Variants in CDHR2 observed in about 807,000 individuals in gnomAD.
CDHR2 encodes the protein cadherin-related family member 2.
In CDHR2, 104 loss-of-function variants were observed where a neutral mutation model predicts 138.6. The observed-to-expected ratio is 0.75, with a 90% CI of 0.64 to 0.88. CDHR2 has a LOEUF of 0.88. CDHR2 is among the 40% of genes least tolerant of loss of function. CDHR2 has a pLI of 0.00. For missense variants in CDHR2, 1,624 were observed against 1,727.6 expected (o/e 0.94, Z 1.06); for synonymous variants, 755 against 742.8 (o/e 1.02, Z -0.27).
chr5:176,574,209 G>A (rs752419800), intron 7 of CDHR2, 37 bp downstream of exon 7: 24 of 1,468,022 alleles, frequency 1.6e-5, no homozygotes, highest in Middle Eastern at 1.7e-4. Flanking sequence ...CTTTGTGACC[G>A]CCAGGGGGCA....
At chr5:176,552,672 C>T (rs982937854) in intron 1 of CDHR2, among the ~76,000 whole-genome samples, 4 of 152,224 alleles carry the variant, frequency 2.6e-5, no homozygotes, top group African/African-American at 4.8e-5. Context: ...ATGCTCTGGA[C>T]TGTAGAACGC....
chr5:176,589,523 C>T lies in CDHR2; in HGVS notation c.3118-5C>T. ...TGCCTCATCTCCTGCACACCCCCTT[C>T]CCAGCTCTTCACCGTGGACCAGAGT... On this transcript the variant is annotated splice_region_variant and splice_polypyrimidine_tract_variant and intron_variant, in intron 23 of 31. Coordinates refer to ENST00000261944, the MANE Select transcript of CDHR2 (RefSeq NM_017675.6). 1 of 1,614,076 alleles carries T rather than the reference C, an allele frequency of 6.2e-7. No individual in the cohort carries two copies. Among genetic ancestry groups the T allele is most frequent in the Admixed American group, 1.7e-5 (1 of 60,016 alleles).
At position 176,575,561 on chromosome 5, in the gene CDHR2, C is replaced by G. The variant is rs1210150905; in HGVS notation, c.824C>G (p.Pro275Arg). ...AVDGDKGIND[P>R]VIYSISYSTR... ...GATGGCGACAAAGGCATCAATGACCCTGTGATCTACAGCATCTCCTGTGAG... is the reference window on the plus strand; with the variant it reads ...GATGGCGACAAAGGCATCAATGACCGTGTGATCTACAGCATCTCCTGTGAG... Residue 275 changes from proline (P) to arginine (R), a missense_variant, in exon 10 of 32, where the codon CCT becomes CGT. Physicochemically the swap from Pro to Arg is moderately radical, Grantham distance 103. This residue lies in a region of CDHR2 where 1,061 missense variants were observed against 1,136.6 expected (regional missense o/e 0.93). Coordinates refer to ENST00000261944, the MANE Select transcript of CDHR2 (RefSeq NM_017675.6). The G allele has an allele frequency of 1.2e-6, 2 of 1,614,032 alleles. No individual in the cohort carries two copies. The highest frequency in any genetic ancestry group is 1.6e-4 in the Middle Eastern group (1 of 6,084).
At chr5:176,558,360 C>CAT in intron 1 of CDHR2, among the ~76,000 whole-genome samples, 1 of 149,766 alleles carries the variant, frequency 6.7e-6, no homozygotes, top group African/African-American at 2.5e-5. Context: ...GGACTACAGG[C>CAT]GCCCGCCACC....
chr5:176,584,186 G>A lies in CDHR2; in HGVS notation c.2059-4G>A, dbSNP rs2113315393. 6.2e-7 allele frequency: 1 copy of A among 1,613,712 alleles called. No individual in the cohort carries two copies. Among genetic ancestry groups the A allele is most frequent in the Non-Finnish European group, 8.5e-7 (1 of 1,179,612 alleles). ...CGGGGACTCAGACCTGTCTCTGACT[G>A]CAGGACATCAATGATAACCTGCCCA... is the stretch of plus-strand genomic sequence containing the variant. On this transcript the variant is annotated splice_region_variant and splice_polypyrimidine_tract_variant and intron_variant, in intron 17 of 31. Coordinates refer to ENST00000261944, the MANE Select transcript of CDHR2 (RefSeq NM_017675.6).
intron 1 of CDHR2, among the ~76,000 whole-genome samples, chr5:176,556,091 T>G (rs1180117819): frequency 2.6e-5 from 4 of 152,226 alleles, no homozygotes; most frequent in Non-Finnish European, 5.9e-5. Flanking sequence ...TTCTTTGAAC[T>G]CCTGGAATAC....
chr5:176,569,290 T>TG (rs1422349802), intron 5 of CDHR2, among the ~76,000 whole-genome samples: 1 of 150,428 alleles, frequency 6.6e-6, no homozygotes, highest in African/African-American at 2.4e-5. Context: ...ATTAAATGTT[T>TG]TTTTTTTTTT....
intron 1 of CDHR2, among the ~76,000 whole-genome samples, chr5:176,563,028 T>C (rs2113274098): frequency 6.6e-6 from 1 of 152,296 alleles, no homozygotes; most frequent in Non-Finnish European, 1.5e-5. Flanking sequence ...AGAAAGTTAC[T>C]GAAATCAGTC....
upstream of CDHR2, among the ~76,000 whole-genome samples, chr5:176,548,845 G>A (rs528865699): frequency 6.6e-6 from 1 of 152,304 alleles, no homozygotes; most frequent in Admixed American, 6.5e-5. Context: ...GGTGAGATCA[G>A]TGTCAACAGG....
In CDHR2 at chr5:176,591,340, G is replaced by A. The variant is rs754018826; in HGVS notation, c.3653+17G>A. ...CACTGAGCGGTGAGCAGGGGTCAAA[G>A]GGTAGGTAAGAGGCCTGGTGGGGTG... On this transcript the variant is annotated intron_variant, in intron 29 of 31. Coordinates refer to ENST00000261944, the MANE Select transcript of CDHR2 (RefSeq NM_017675.6). 1 of 1,611,910 alleles carries A rather than the reference G, an allele frequency of 6.2e-7. No homozygotes were observed. The highest frequency in any genetic ancestry group is 1.1e-5 in the South Asian group (1 of 91,040).
chr5:176,573,067 G>T (rs1378604207), intron 6 of CDHR2, among the ~76,000 whole-genome samples: 1 of 152,186 alleles, frequency 6.6e-6, no homozygotes, highest in African/African-American at 2.4e-5. Flanking sequence ...AGAGAGACCT[G>T]AATGGCAAGA....
chr5:176,549,236 A>G (rs1757652320), upstream of CDHR2, among the ~76,000 whole-genome samples: 1 of 151,956 alleles, frequency 6.6e-6, no homozygotes, highest in Non-Finnish European at 1.5e-5. Flanking sequence ...ACTCTGCCTC[A>G]TTAGGAGTCG....
intron 7 of CDHR2, 80 bp downstream of exon 7, chr5:176,574,252 G>C: frequency 1.9e-6 from 2 of 1,062,686 alleles, no homozygotes; most frequent in Non-Finnish European, 2.9e-6. Context: ...GGGCCTGAAC[G>C]TTGGGGTGGG....
intron 21 of CDHR2, among the ~76,000 whole-genome samples, chr5:176,588,829 G>A (rs187442586): frequency 1.8e-3 from 268 of 152,196 alleles, no homozygotes; most frequent in Middle Eastern, 3.4e-3. Context: ...TGGGGAACAG[G>A]GGCAGGTTCT....
intron 5 of CDHR2, among the ~76,000 whole-genome samples, chr5:176,569,503 T>C (rs1340088201): frequency 6.6e-6 from 1 of 152,018 alleles, no homozygotes; most frequent in East Asian, 1.9e-4. Context: ...AGGATGGTCT[T>C]GATCTCCTGA....
rs1561879536 is a variant in CDHR2 at position 176,585,940 on chromosome 5, AC to A, written c.2735-12del. The A allele has an allele frequency of 2.5e-6, 4 of 1,609,556 alleles. No individual in the cohort carries two copies. Among genetic ancestry groups the A allele is most frequent in the African/African-American group, 2.7e-5 (2 of 74,908 alleles). On this transcript the variant is annotated splice_polypyrimidine_tract_variant and intron_variant, in intron 19 of 31. Transcript: ENST00000261944. ...TTTTGCCCAGAGCCAAAGCCAGCTG[AC>A]CTTGTCTCCTAGGAAGCCTCCTCAT...
chr5:176,575,563 G>A lies in CDHR2; in HGVS notation c.826G>A (p.Val276Met). 2 of 1,614,140 alleles carry A rather than the reference G, an allele frequency of 1.2e-6. No individual in the cohort carries two copies. Among genetic ancestry groups the A allele is most frequent in the South Asian group, 2.2e-5 (2 of 91,078 alleles). ...VDGDKGINDP[V>M]IYSISYSTRP... ...TGGCGACAAAGGCATCAATGACCCT[G>A]TGATCTACAGCATCTCCTGTGAGAA... The change falls in exon 10 of 32, where the codon GTG becomes ATG. Residue 276 changes from valine (V) to methionine (M), a missense_variant. By Grantham distance (21) the Val-to-Met change is conservative. Transcript: ENST00000261944.
chr5:176,589,264 G>T (rs996571390), intron 22 of CDHR2, 66 bp from the exon 23 acceptor site: 15 of 1,589,082 alleles, frequency 9.4e-6, no homozygotes, highest in Non-Finnish European at 1.2e-5. Flanking sequence ...CCATCCTGGA[G>T]GTTACAAGGG....
At position 176,578,612 on chromosome 5, in the gene CDHR2, T is replaced by C. The variant is rs1206473637; in HGVS notation, c.1818+4T>C. On this transcript the variant is annotated splice_donor_region_variant and intron_variant, in intron 16 of 31. Coordinates refer to ENST00000261944, the MANE Select transcript of CDHR2 (RefSeq NM_017675.6). ...CAATGTCTCCGTGACCATCCAGGTG[T>C]GAGCCTGCCTGGACCTGGTGGGTAA... 2 of 1,608,258 alleles carry C rather than the reference T, an allele frequency of 1.2e-6. No individual in the cohort carries two copies. The highest frequency in any genetic ancestry group is 2.7e-5 in the African/African-American group (2 of 74,936).
Sources: gnomAD v4.1 joint callset for allele counts (sites outside exome capture counted in the v4.1 genomes callset) on GRCh38, gnomAD v4.1.1 for gene constraint, gnomAD v4.1.1 regional missense constraint, MANE v1.5 for transcripts, NCBI Gene and HGNC (gene_info 2026-07-23, HGNC 2026-07-21) for gene names.